AIG1: variants seen among roughly 807,000 people sequenced by gnomAD.
AIG1 encodes the protein androgen induced 1.
In AIG1, 23 loss-of-function variants were observed where a neutral mutation model predicts 31.4. The ratio of observed to expected loss-of-function variants is 0.73; its 90% CI spans 0.53 to 1.04. AIG1 has a LOEUF of 1.04. Among genes scored for constraint, AIG1 ranks in the 50% least tolerant of loss-of-function variants. The pLI, the probability that AIG1 is intolerant of heterozygous loss-of-function variation, is 0.00. For missense variants in AIG1, 274 were observed against 295.0 expected (o/e 0.93, Z 0.52); for synonymous variants, 100 against 110.5 (o/e 0.90, Z 0.60).
chr6:143,119,205 G>A (rs1170319083), intron 1 of AIG1, among the ~76,000 whole-genome samples: 4 of 152,104 alleles, frequency 2.6e-5, no homozygotes. Context: ...ATCATGTCTG[G>A]GAGCACGCTG....
At chr6:143,276,056 C>T (rs1315193651) in intron 3 of AIG1, among the ~76,000 whole-genome samples, 2 of 152,184 alleles carry the variant, frequency 1.3e-5, no homozygotes, top group South Asian at 2.1e-4. Context: ...CCCTTAGCAC[C>T]TCCTGGGTGT....
At chr6:143,261,673 C>T (rs972222324) in intron 3 of AIG1, among the ~76,000 whole-genome samples, 1 of 152,074 alleles carries the variant, frequency 6.6e-6, no homozygotes, top group Non-Finnish European at 1.5e-5. Context: ...TCAAACACAC[C>T]TGGAGAAACT....
At chr6:143,139,303 A>T (rs1336576504) in intron 2 of AIG1, among the ~76,000 whole-genome samples, 1 of 119,092 alleles carries the variant, frequency 8.4e-6, no homozygotes, top group Non-Finnish European at 1.7e-5. Context: ...CACCCACCCC[A>T]TCCCTCTTAA....
At chr6:143,100,117 G>A (rs1449771396) in intron 1 of AIG1, among the ~76,000 whole-genome samples, 1 of 152,178 alleles carries the variant, frequency 6.6e-6, no homozygotes, top group Non-Finnish European at 1.5e-5. Flanking sequence ...GATATAACCC[G>A]TGGGTCCTGA....
At chr6:143,265,294 T>C in intron 3 of AIG1, among the ~76,000 whole-genome samples, 1 of 152,220 alleles carries the variant, frequency 6.6e-6, no homozygotes, top group East Asian at 1.9e-4. Flanking sequence ...AAGATTGTAA[T>C]TTAAAAACAA....
chr6:143,102,572 T>TATATA (rs1188460335), intron 1 of AIG1, among the ~76,000 whole-genome samples: 4 of 147,826 alleles, frequency 2.7e-5, no homozygotes, highest in Non-Finnish European at 6.0e-5. Context: ...TATATAAATA[T>TATATA]ATATAATATA....
intron 2 of AIG1, among the ~76,000 whole-genome samples, chr6:143,140,890 G>C (rs1307367772): frequency 6.6e-6 from 1 of 152,122 alleles, no homozygotes; most frequent in African/African-American, 2.4e-5. Flanking sequence ...ATAGCTACAG[G>C]CGCAGAGCCT....
intron 1 of AIG1, among the ~76,000 whole-genome samples, chr6:143,111,618 A>C (rs987084659): frequency 6.6e-6 from 1 of 152,172 alleles, no homozygotes; most frequent in Non-Finnish European, 1.5e-5. Flanking sequence ...GAAATATCCT[A>C]CACTACAAAC....
chr6:143,270,446 C>G (rs886296715), intron 3 of AIG1, among the ~76,000 whole-genome samples: 5 of 152,238 alleles, frequency 3.3e-5, no homozygotes, highest in Admixed American at 3.3e-4. Context: ...ACCCACGCTT[C>G]TATAACTACC....
intron 1 of AIG1, among the ~76,000 whole-genome samples, chr6:143,113,010 G>C (rs143978445): frequency 6.6e-5 from 10 of 152,112 alleles, no homozygotes; most frequent in Admixed American, 3.9e-4. Flanking sequence ...TGAGATCATA[G>C]TCCACCCTGA....
intron 3 of AIG1, among the ~76,000 whole-genome samples, chr6:143,195,316 G>A (rs1319371131): frequency 6.6e-6 from 1 of 152,150 alleles, no homozygotes; most frequent in Non-Finnish European, 1.5e-5. Context: ...TCAGATCCTG[G>A]AGACTCCTCC....
At chr6:143,092,120 T>A (rs998267237) in intron 1 of AIG1, among the ~76,000 whole-genome samples, 3 of 152,110 alleles carry the variant, frequency 2.0e-5, no homozygotes, top group African/African-American at 7.2e-5. Context: ...TTATTTATTT[T>A]TTGAGATAGG....
rs1777647733 is a variant in AIG1 at position 143,338,163 on chromosome 6, C to T, written c.680-1476C>T. On this transcript the variant is annotated intron_variant, in intron 5 of 5. Coordinates refer to ENST00000357847, the MANE Select transcript of AIG1 (RefSeq NM_016108.4). The surrounding 1 kb of genome is among the most constrained non-coding windows in gnomAD (Gnocchi z 4.3). The stretch of plus-strand genomic sequence containing the variant: ...TGCTCTTAGCCCCTGATAGCTTCTC[C>T]ACAGGAGAGGGAATATGGACAGAGC... The T allele has an allele frequency of 2.0e-5, 8 of 396,728 alleles. No individual in the cohort carries two copies. Among genetic ancestry groups the T allele is most frequent in the Non-Finnish European group, 3.6e-5 (8 of 225,278 alleles). The allele number at this position is 396,728 out of a possible 1,614,324, so 24.6% of individuals were successfully genotyped here.
At chr6:143,281,611 A>G (rs1797345506) in intron 3 of AIG1, among the ~76,000 whole-genome samples, 2 of 152,182 alleles carry the variant, frequency 1.3e-5, no homozygotes, top group Admixed American at 1.3e-4. Flanking sequence ...ATAGTTTTTT[A>G]CCATTCTTTT....
At chr6:143,171,100 GA>G (rs1322368580) in intron 3 of AIG1, among the ~76,000 whole-genome samples, 3 of 151,838 alleles carry the variant, frequency 2.0e-5, no homozygotes, top group African/African-American at 7.3e-5. Context: ...TCCAGATACA[GA>G]AAGCTGAAAA....
intron 2 of AIG1, among the ~76,000 whole-genome samples, chr6:143,151,591 A>C (rs1441422972): frequency 6.6e-6 from 1 of 152,196 alleles, no homozygotes; most frequent in Admixed American, 6.5e-5. Context: ...TGTGCTAGGA[A>C]GTCCCGAAAT....
At chr6:143,271,036 G>A (rs183679520) in intron 3 of AIG1, among the ~76,000 whole-genome samples, 1 of 152,288 alleles carries the variant, frequency 6.6e-6, no homozygotes, top group Non-Finnish European at 1.5e-5. Flanking sequence ...CTCTGCTTTC[G>A]ATTACACTCA....
intron 3 of AIG1, among the ~76,000 whole-genome samples, chr6:143,233,389 G>A (rs1436371348): frequency 6.6e-6 from 1 of 152,008 alleles, no homozygotes. Flanking sequence ...ATATTTGGTG[G>A]TTTGACGAGA....
Position 143,228,003 on chromosome 6 carries a change from A to T in AIG1, c.400-56107A>T, listed in dbSNP as rs1245090363. Among the ~76,000 whole-genome samples the T allele has an allele frequency of 2.6e-5, 4 of 152,244 alleles. No homozygotes were observed. The East Asian group carries it at 7.7e-4, about 29-fold the overall frequency. On this transcript the variant is annotated intron_variant, in intron 3 of 5. Transcript: ENST00000357847. ...ATCTTTCTCTGTAGTGAGTTCAAAC[A>T]CTTTAAAGCCTGAAACTCTTTCTTC...
Sources: allele counts gnomAD v4.1 joint callset (sites outside exome capture counted in the v4.1 genomes callset), GRCh38; gene constraint gnomAD v4.1.1; non-coding constraint Gnocchi (gnomAD v3.1); transcripts MANE v1.5; gene names NCBI Gene and HGNC (gene_info 2026-07-23, HGNC 2026-07-21).